The following PIGK variants were observed in gnomAD, a reference collection of about 807,000 sequenced individuals.
PIGK encodes GPI-anchor transamidase.
A neutral mutation model predicts 50.6 loss-of-function variants in PIGK; 42 were observed. The ratio of observed to expected loss-of-function variants is 0.83; its 90% CI spans 0.65 to 1.07. The LOEUF (loss-of-function observed/expected upper bound fraction) is 1.07, where lower values mean the gene tolerates loss of function less well. PIGK is among the 50% of genes least tolerant of loss of function. PIGK has a pLI of 0.00. For synonymous variants in PIGK, 151 were observed against 156.0 expected (o/e 0.97, Z 0.24); for missense variants, 448 against 488.7 (o/e 0.92, Z 0.78).
chr1:77,121,862 G>A (rs1036905270), intron 10 of PIGK, among the ~76,000 whole-genome samples: 2 of 152,132 alleles, frequency 1.3e-5, no homozygotes, highest in Non-Finnish European at 2.9e-5. Flanking sequence ...TTGATGATTG[G>A]GCAGGGTAAA....
intron 8 of PIGK, among the ~76,000 whole-genome samples, chr1:77,161,059 A>G (rs1230660286): frequency 6.6e-6 from 1 of 152,218 alleles, no homozygotes; most frequent in Non-Finnish European, 1.5e-5. Flanking sequence ...TTGAATCTAA[A>G]AAAAGTACAT....
chr1:77,186,988 A>G (rs1655763575), intron 3 of PIGK, among the ~76,000 whole-genome samples: 1 of 152,196 alleles, frequency 6.6e-6, no homozygotes, highest in Non-Finnish European at 1.5e-5. Flanking sequence ...TATCCTGCAC[A>G]CAGTGCTTCT....
chr1:77,159,823 G>A (rs940955563), intron 8 of PIGK, among the ~76,000 whole-genome samples: 24 of 152,148 alleles, frequency 1.6e-4, no homozygotes, highest in African/African-American at 5.6e-4. Context: ...GATTTTGCAG[G>A]CTCACAGGCA....
intron 8 of PIGK, among the ~76,000 whole-genome samples, chr1:77,156,122 A>G (rs1238366815): frequency 6.6e-6 from 1 of 151,798 alleles, no homozygotes; most frequent in African/African-American, 2.4e-5. Flanking sequence ...TAACAGATAG[A>G]AGATTGGAGA....
chr1:77,174,408 G>A (rs190463047), intron 3 of PIGK, among the ~76,000 whole-genome samples: 6 of 152,244 alleles, frequency 3.9e-5, no homozygotes, highest in African/African-American at 1.2e-4. Flanking sequence ...GAAACCTCAG[G>A]AATTAAAAGT....
At chr1:77,135,155 C>A (rs1654471300) in intron 9 of PIGK, among the ~76,000 whole-genome samples, 1 of 151,978 alleles carries the variant, frequency 6.6e-6, no homozygotes, top group South Asian at 2.1e-4. Flanking sequence ...AATTTTAAAA[C>A]TTTTGGATGG....
At chr1:77,182,352 C>CT (rs1389949429) in intron 3 of PIGK, among the ~76,000 whole-genome samples, 3 of 152,130 alleles carry the variant, frequency 2.0e-5, no homozygotes, top group Non-Finnish European at 4.4e-5. Flanking sequence ...ATTATTCTGC[C>CT]TTCTTTATAT....
chr1:77,119,806 G>A (rs539724760), intron 10 of PIGK, among the ~76,000 whole-genome samples: 1 of 152,120 alleles, frequency 6.6e-6, no homozygotes, highest in Non-Finnish European at 1.5e-5. Flanking sequence ...GAGAGTCCTT[G>A]GCTTCTGGTG....
chr1:77,130,455 C>T lies in PIGK; in HGVS notation c.987-8096G>A, dbSNP rs1273099466. Among the ~76,000 whole-genome samples, 10 of 151,860 alleles carry T rather than the reference C, an allele frequency of 6.6e-5. No homozygotes were observed. In the East Asian group the frequency reaches 1.7e-3, roughly 26 times the overall value. On this transcript the variant is annotated intron_variant, in intron 9 of 10. Coordinates refer to ENST00000370812, the MANE Select transcript of PIGK (RefSeq NM_005482.3). ...CTCCATGGCAAACCAATTGCTTCAACGTAGAATTTTTTGACTTACCTATCC... is the reference window on the plus strand; with the variant it reads ...CTCCATGGCAAACCAATTGCTTCAATGTAGAATTTTTTGACTTACCTATCC...
intron 3 of PIGK, among the ~76,000 whole-genome samples, chr1:77,176,806 T>C (rs1246895642): frequency 6.6e-6 from 1 of 152,186 alleles, no homozygotes; most frequent in African/African-American, 2.4e-5. Context: ...GCATGGACTC[T>C]TGGAGAACCA....
At position 77,122,337 on chromosome 1, in the gene PIGK, C is replaced by T; in HGVS notation, c.1009G>A (p.Glu337Lys). ...TATTTCAGAGGTTCCATTAGTTTCT[C>T]ATCCATCTGGTCTTCCTTATAGCTG... ...ESSYKEDQMDEKLMEPLKYAE... is the reference protein window; with the variant it reads ...ESSYKEDQMDKKLMEPLKYAE... Residue 337 changes from glutamate to lysine, a missense_variant, in exon 10 of 11, where the codon GAG becomes AAG. Coordinates refer to ENST00000370812, the MANE Select transcript of PIGK (RefSeq NM_005482.3). The T allele has an allele frequency of 6.2e-7, 1 of 1,602,082 alleles. No homozygotes were observed. Among genetic ancestry groups the T allele is most frequent in the African/African-American group, 1.3e-5 (1 of 74,762 alleles).
chr1:77,122,590 T>G (rs920658815), intron 9 of PIGK, among the ~76,000 whole-genome samples: 2 of 152,228 alleles, frequency 1.3e-5, no homozygotes, highest in Non-Finnish European at 2.9e-5. Context: ...CATCACTTAA[T>G]GTTCTCAGAT....
chr1:77,172,873 G>A (rs200719468), intron 3 of PIGK, among the ~76,000 whole-genome samples: 110 of 152,218 alleles, frequency 7.2e-4, no homozygotes, highest in African/African-American at 2.1e-3. Context: ...GCAATGAGCC[G>A]AGATCACGCC....
chr1:77,107,542 G>C (rs1244211558), intron 10 of PIGK, among the ~76,000 whole-genome samples: 1 of 152,162 alleles, frequency 6.6e-6, no homozygotes. Flanking sequence ...GTGCGATGTG[G>C]TGCTGAGAAG....
In PIGK at chr1:77,092,318, CAT is replaced by C. The variant is rs1233251350; in HGVS notation, c.*54_*55del. 3 of 741,968 alleles carry C rather than the reference CAT, an allele frequency of 4.0e-6. No individual in the cohort carries two copies. Among genetic ancestry groups the C allele is most frequent in the East Asian group, 2.7e-5 (1 of 36,694 alleles). The allele number at this position is 741,968 out of a possible 1,614,324, so 46.0% of individuals were successfully genotyped here. ...ACACATTTTTAAAAATATATAATGA[CAT>C]AAATTATTATCCAAGTTTGCAGTCC... On this transcript the variant is annotated 3_prime_UTR_variant, in exon 11 of 11. Transcript: ENST00000370812.
chr1:77,141,493 A>G (rs751409294), intron 9 of PIGK, among the ~76,000 whole-genome samples: 17 of 152,188 alleles, frequency 1.1e-4, no homozygotes, highest in Non-Finnish European at 2.4e-4. Flanking sequence ...TTTCAGAATA[A>G]TAAGTCACAA....
chr1:77,194,661 G>A (rs1655989931), intron 3 of PIGK, among the ~76,000 whole-genome samples: 1 of 149,230 alleles, frequency 6.7e-6, no homozygotes. Flanking sequence ...GGGGAGGGTG[G>A]TGATCAAATA....
chr1:77,092,531 A>T, intron 10 of PIGK, 41 bp from the exon 11 acceptor site: 1 of 1,019,352 alleles, frequency 9.8e-7, no homozygotes, highest in Non-Finnish European at 1.5e-6. Flanking sequence ...ATAACAGGTA[A>T]ATAATTCAGC....
intron 10 of PIGK, among the ~76,000 whole-genome samples, chr1:77,116,760 A>G (rs1226285416): frequency 6.6e-6 from 1 of 152,168 alleles, no homozygotes; most frequent in Non-Finnish European, 1.5e-5. Context: ...CATGCTGCTG[A>G]TGCCTTTCAT....
Sources: allele counts gnomAD v4.1 joint callset (sites outside exome capture counted in the v4.1 genomes callset), GRCh38; gene constraint gnomAD v4.1.1; transcripts MANE v1.5; gene names NCBI Gene and HGNC (gene_info 2026-07-23, HGNC 2026-07-21).